The following R3HDM1 variants were observed in gnomAD, a reference collection of about 807,000 sequenced individuals.
R3HDM1 encodes the protein R3H domain containing 1.
A neutral mutation model predicts 141.1 loss-of-function variants in R3HDM1; 46 were observed. The ratio of observed to expected loss-of-function variants is 0.33; its 90% confidence interval spans 0.26 to 0.42. The LOEUF is 0.42. Ranked by LOEUF, R3HDM1 falls within the 10% of genes least tolerant of loss-of-function variation. The probability of loss-of-function intolerance (pLI) is 1.00; values close to 1 mark genes in which losing one functional copy is unlikely to be tolerated. For synonymous variants in R3HDM1, 435 were observed against 472.9 expected, an observed-to-expected ratio of 0.92 and a Z score of 1.04; for missense variants, 1,184 against 1,368.3, an observed-to-expected ratio of 0.87 and a Z score of 2.12.
intron 1 of R3HDM1, chr2:135,597,010 C>CA (rs1161885909): frequency 1.8e-5 from 18 of 983,674 alleles, no homozygotes; most frequent in Non-Finnish European, 2.2e-5. Context: ...ATGAGAGGCC[C>CA]ATTGTCTTCC....
At chr2:135,567,232 T>A (rs1479864958) in intron 1 of R3HDM1, among the ~76,000 whole-genome samples, 1 of 152,224 alleles carries the variant, frequency 6.6e-6, no homozygotes, top group African/African-American at 2.4e-5. Flanking sequence ...ACAATCCTGC[T>A]TCTCTTTATA....
chr2:135,536,862 G>A, intron 1 of R3HDM1: 1 of 326,910 alleles, frequency 3.1e-6, no homozygotes. Context: ...TCATAGGATT[G>A]CAAACCTTAC....
At chr2:135,686,013 G>A (rs2071271654) in intron 21 of R3HDM1, among the ~76,000 whole-genome samples, 1 of 152,094 alleles carries the variant, frequency 6.6e-6, no homozygotes. Context: ...TTAAAGAGTT[G>A]AATAGAAATT....
At chr2:135,587,998 C>T (rs1005533090) in intron 1 of R3HDM1, among the ~76,000 whole-genome samples, 11 of 151,912 alleles carry the variant, frequency 7.2e-5, no homozygotes, top group African/African-American at 2.7e-4. Flanking sequence ...CCTGGTGTTT[C>T]AGGGTGTCTC....
intron 18 of R3HDM1, among the ~76,000 whole-genome samples, chr2:135,657,536 T>G (rs369645390): frequency 2.0e-5 from 3 of 152,296 alleles, no homozygotes; most frequent in South Asian, 4.1e-4. Flanking sequence ...ATGTTAATGC[T>G]TCAAAGACAG....
intron 21 of R3HDM1, among the ~76,000 whole-genome samples, chr2:135,702,028 T>C (rs2074260633): frequency 6.6e-6 from 1 of 152,154 alleles, no homozygotes; most frequent in African/African-American, 2.4e-5. Context: ...TGGTCAATTT[T>C]AAAACATTTT....
intron 1 of R3HDM1, among the ~76,000 whole-genome samples, chr2:135,601,518 T>C (rs572348343): frequency 5.9e-5 from 9 of 152,348 alleles, no homozygotes; most frequent in East Asian, 1.9e-4. Flanking sequence ...AAATGTACTA[T>C]TCTGTTTATT....
intron 1 of R3HDM1, among the ~76,000 whole-genome samples, chr2:135,600,787 A>G (rs533688877): frequency 6.6e-6 from 1 of 152,272 alleles, no homozygotes; most frequent in South Asian, 2.1e-4. Flanking sequence ...TGGTTGTGTG[A>G]CTTTGAAGAA....
At chr2:135,650,235 A>G (rs189565442) in intron 17 of R3HDM1, 3 of 982,658 alleles carry the variant, frequency 3.1e-6, no homozygotes, top group Non-Finnish European at 2.4e-6. Context: ...TTTCATAACG[A>G]AAGAATTTTC....
At chr2:135,656,836 G>A (rs1198133777) in intron 18 of R3HDM1, among the ~76,000 whole-genome samples, 2 of 152,198 alleles carry the variant, frequency 1.3e-5, no homozygotes, top group African/African-American at 4.8e-5. Context: ...GCTCACGCCT[G>A]TAATCCCAGC....
At chr2:135,704,502 T>A (rs1575141709) in intron 21 of R3HDM1, among the ~76,000 whole-genome samples, 1 of 146,646 alleles carries the variant, frequency 6.8e-6, no homozygotes, top group East Asian at 2.0e-4. Context: ...TGAGACAGAG[T>A]CTCTTTCGCC....
At chr2:135,667,352 T>C (rs1042209544) in intron 19 of R3HDM1, 3 of 522,860 alleles carry the variant, frequency 5.7e-6, no homozygotes, top group Non-Finnish European at 7.3e-6. Context: ...TGGGATAATA[T>C]TGCAACAGTG....
intron 5 of R3HDM1, among the ~76,000 whole-genome samples, chr2:135,617,198 G>A (rs1025017346): frequency 6.6e-6 from 1 of 151,880 alleles, no homozygotes; most frequent in Admixed American, 6.6e-5. Context: ...ATGGTGGTGG[G>A]CGCCTGTAGT....
At chr2:135,649,077 T>C (rs2064821714) in intron 16 of R3HDM1, 1 of 146,432 alleles carries the variant, frequency 6.8e-6, no homozygotes, top group South Asian at 2.1e-4. Flanking sequence ...GTTTTTTTTT[T>C]TTTTTTTAGA....
intron 5 of R3HDM1, chr2:135,620,625 T>C (rs942339560): frequency 3.6e-5 from 35 of 979,526 alleles, no homozygotes; most frequent in Admixed American, 6.2e-5. Flanking sequence ...TTCTTGACTA[T>C]AGAACAACAG....
At chr2:135,675,984 C>T (rs982843298) in intron 20 of R3HDM1, among the ~76,000 whole-genome samples, 2 of 152,040 alleles carry the variant, frequency 1.3e-5, no homozygotes, top group African/African-American at 4.8e-5. Context: ...GATTTTTTTC[C>T]TTCCTCTCCA....
intron 1 of R3HDM1, among the ~76,000 whole-genome samples, chr2:135,562,451 C>T (rs541499179): frequency 4.6e-5 from 7 of 152,130 alleles, no homozygotes; most frequent in South Asian, 2.1e-4. Context: ...ATTATTTGGT[C>T]GCTTATTATT....
chr2:135,590,798 T>C, intron 1 of R3HDM1: 1 of 900,726 alleles, frequency 1.1e-6, no homozygotes, highest in Non-Finnish European at 1.3e-6. Context: ...AGGCAGATGA[T>C]GGCAACTGAA....
chr2:135,708,692 G>A (rs760110258), intron 21 of R3HDM1, among the ~76,000 whole-genome samples: 5 of 152,118 alleles, frequency 3.3e-5, no homozygotes, highest in African/African-American at 4.8e-5. Context: ...AGGTGCAGTG[G>A]CTCACACCTG....
Sources: gnomAD v4.1 joint callset for allele counts (sites outside exome capture counted in the v4.1 genomes callset) on GRCh38, gnomAD v4.1.1 for gene constraint, MANE v1.5 for transcripts, NCBI Gene and HGNC (gene_info 2026-07-23, HGNC 2026-07-21) for gene names.